IZUMO3: variants seen among roughly 807,000 people sequenced by gnomAD.
The protein encoded by IZUMO3 is izumo sperm-egg fusion protein 3.
A neutral mutation model predicts 28.4 loss-of-function variants in IZUMO3; 36 were observed. That is an observed-to-expected ratio of 1.27 (90% CI 0.97 to 1.67). The LOEUF is 1.67. IZUMO3 is among the 40% of genes most tolerant of loss of function. The probability of loss-of-function intolerance (pLI) is 0.00; values close to 1 mark genes in which losing one functional copy is unlikely to be tolerated. For missense variants in IZUMO3, 387 were observed against 278.5 expected (o/e 1.39, Z -2.77); for synonymous variants, 126 against 99.2 (o/e 1.27, Z -1.61).
At position 24,543,213 on chromosome 9, in the gene IZUMO3, G is replaced by C; in HGVS notation, c.*16C>G. The C allele has an allele frequency of 6.5e-7, 1 of 1,529,008 alleles. No homozygotes were observed. The highest frequency in any genetic ancestry group is 2.1e-5 in the Admixed American group (1 of 48,536). The allele number at this position is 1,529,008 out of a possible 1,614,324, so 94.7% of individuals were successfully genotyped here. ...TTAAGAGAATCATGAAAGACTTCTT[G>C]TCCATGTTGATGTGTTTATTTTCTG... On this transcript the variant is annotated 3_prime_UTR_variant, in exon 7 of 7. Transcript: ENST00000543880.
intron 6 of IZUMO3, 131 bp from the exon 7 acceptor site, chr9:24,543,498 G>GTTTTTTTTTTTTTTTTT: frequency 4.0e-6 from 1 of 251,940 alleles, no homozygotes; most frequent in Non-Finnish European, 5.2e-6. Flanking sequence ...ATTTCCTTTT[G>GTTTTTTTTTTTTTTTTT]TTCCAACTAT....
chr9:24,543,979 C>T (rs988779122), intron 5 of IZUMO3, among the ~76,000 whole-genome samples: 4 of 152,022 alleles, frequency 2.6e-5, no homozygotes, highest in African/African-American at 9.7e-5. Flanking sequence ...TTCTTCATTC[C>T]AAGCCTAGCC....
At chr9:24,543,425 C>CCAGTTATA in intron 6 of IZUMO3, 58 bp from the exon 7 acceptor site, 1 of 439,704 alleles carries the variant, frequency 2.3e-6, no homozygotes, top group Non-Finnish European at 3.6e-6. Flanking sequence ...ATTCTTTAAG[C>CCAGTTATA]CAGTTATACA....
chr9:24,544,819 A>T, intron 3 of IZUMO3, 59 bp from the exon 4 acceptor site: 2 of 1,491,774 alleles, frequency 1.3e-6, no homozygotes, highest in Non-Finnish European at 1.8e-6. Flanking sequence ...TGCCATATTT[A>T]TACCCAAGTA....
chr9:24,544,410 T>C, intron 4 of IZUMO3, 129 bp from the exon 5 acceptor site: 1 of 711,634 alleles, frequency 1.4e-6, no homozygotes, highest in Admixed American at 2.4e-5. Flanking sequence ...GCTGTGAATT[T>C]CTTCTTCTCC....
In IZUMO3 at chr9:24,545,299, A is replaced by G. The variant is rs1307899320; in HGVS notation, c.227-13T>C. 6.5e-7 allele frequency: 1 copy of G among 1,549,596 alleles called. No individual in the cohort carries two copies. Among genetic ancestry groups the G allele is most frequent in the Non-Finnish European group, 8.7e-7 (1 of 1,146,214 alleles). ...ACCTGCTGAACAGCTAGAGAGGGAG[A>G]GTAAAGGTACATGTAGGGGAATAAT... On this transcript the variant is annotated splice_polypyrimidine_tract_variant and intron_variant, in intron 1 of 6. Coordinates refer to ENST00000543880, the MANE Select transcript of IZUMO3 (RefSeq NM_001365008.2).
At chr9:24,544,893 C>T (rs937085378) in intron 3 of IZUMO3, 79 bp downstream of exon 3, 23 of 1,339,552 alleles carry the variant, frequency 1.7e-5, no homozygotes, top group Non-Finnish European at 2.3e-5. Context: ...CTATTATGAA[C>T]TTGCATTTCT....
In IZUMO3 at chr9:24,544,285, A is replaced by T. The variant is rs1294185382; in HGVS notation, c.410-4T>A. The T allele has an allele frequency of 1.3e-6, 2 of 1,545,356 alleles. No homozygotes were observed. The highest frequency in any genetic ancestry group is 1.8e-6 in the Non-Finnish European group (2 of 1,142,210). ...AGAATGGGACCTTCAACCACAACTGATAAAGAGGAGAAGAAAGATAATCAG... is the reference window on the plus strand; with the variant it reads ...AGAATGGGACCTTCAACCACAACTGTTAAAGAGGAGAAGAAAGATAATCAG... On this transcript the variant is annotated splice_polypyrimidine_tract_variant and splice_region_variant and intron_variant, in intron 4 of 6. Transcript: ENST00000543880.
At chr9:24,543,531 T>G in intron 6 of IZUMO3, 133 bp downstream of exon 6, 1 of 912,310 alleles carries the variant, frequency 1.1e-6, no homozygotes, top group Non-Finnish European at 1.6e-6. Flanking sequence ...CTTTGCATTT[T>G]ATTCCTTTCA....
intron 6 of IZUMO3, 121 bp from the exon 7 acceptor site, chr9:24,543,488 A>G (rs1291272651): frequency 6.4e-5 from 27 of 419,826 alleles, no homozygotes; most frequent in African/African-American, 2.6e-4. Flanking sequence ...ATACTTCTCC[A>G]TTTCCTTTTG....
chr9:24,543,795 G>A, intron 5 of IZUMO3, 41 bp from the exon 6 acceptor site: 1 of 1,275,772 alleles, frequency 7.8e-7, no homozygotes, highest in Middle Eastern at 1.8e-4. Flanking sequence ...GAGTTTTGGA[G>A]AAGAGAAATA....
At position 24,543,459 on chromosome 9, in the gene IZUMO3, T is replaced by TG. The variant is rs1563907619; in HGVS notation, c.582-93_582-92insC. 5.5e-6 allele frequency: 5 copies of TG among 915,956 alleles called. No individual in the cohort carries two copies. The African/African-American group carries it at 7.2e-5, about 13-fold the overall frequency. 56.7% of individuals were successfully genotyped at this position (915,956 alleles called of 1,614,324 possible). A position where few individuals can be genotyped will look rare whatever the true frequency, so the allele number is the denominator to read the frequency against. On this transcript the variant is annotated intron_variant, in intron 6 of 6. Coordinates refer to ENST00000543880, the MANE Select transcript of IZUMO3 (RefSeq NM_001365008.2). ...CATTGTTTTTTTTTTTTTTTTTTTT[T>TG]TTTTTTTTTTTTTGCTGGATACTTC... is the stretch of plus-strand genomic sequence containing the variant.
At chr9:24,545,345 T>G (rs1009010812) in intron 1 of IZUMO3, 59 bp from the exon 2 acceptor site, 1 of 1,547,364 alleles carries the variant, frequency 6.5e-7, no homozygotes, top group Non-Finnish European at 8.7e-7. Context: ...CAGGAAGTTA[T>G]GTAGACCCAG....
chr9:24,543,559 A>T, intron 6 of IZUMO3, 105 bp downstream of exon 6: 2 of 1,002,912 alleles, frequency 2.0e-6, no homozygotes, highest in East Asian at 2.7e-5. Context: ...AGAATTTAAA[A>T]TGACTTCTTT....
At chr9:24,543,435 ATTGTTTTTTTTTTTT>A (rs1819499776) in intron 6 of IZUMO3, 68 bp from the exon 7 acceptor site, 11 of 75,508 alleles carry the variant, frequency 1.5e-4, no homozygotes, top group South Asian at 8.5e-4. Flanking sequence ...CCAGTTATAC[ATTGTTTTTTTTTTTT>A]TTTTTTTTTT....
At chr9:24,544,787 G>C in intron 3 of IZUMO3, 27 bp from the exon 4 acceptor site, 2 of 1,548,918 alleles carry the variant, frequency 1.3e-6, no homozygotes, top group Non-Finnish European at 1.7e-6. Flanking sequence ...AAGTTCTAAT[G>C]AGTTTAAAAC....
In IZUMO3 at chr9:24,545,666, G is replaced by A. The variant is rs747594175; in HGVS notation, c.-17C>T. ...GTCACCCATTTCTTTCTTCACCCCC[G>A]CTCCCCGACAGCAGGTTGTCCTGGC... On this transcript the variant is annotated 5_prime_UTR_variant, in exon 1 of 7. Transcript: ENST00000543880. The A allele has an allele frequency of 2.3e-5, 35 of 1,534,426 alleles. 1 individual carries two copies. In the South Asian group the frequency reaches 2.5e-4, roughly 11 times the overall value.
intron 5 of IZUMO3, 53 bp from the exon 6 acceptor site, chr9:24,543,807 C>T (rs1819517981): frequency 8.6e-7 from 1 of 1,162,140 alleles, no homozygotes; most frequent in South Asian, 1.3e-5. Flanking sequence ...AGAGAAATAG[C>T]TTGTGACATT....
At chr9:24,544,631 C>T (rs1295094265) in intron 4 of IZUMO3, 112 bp downstream of exon 4, 1 of 919,692 alleles carries the variant, frequency 1.1e-6, no homozygotes, top group Non-Finnish European at 1.7e-6. Context: ...GTAACCACAG[C>T]TCTAGGAATT....
Sources: gnomAD v4.1 joint callset for allele counts (sites outside exome capture counted in the v4.1 genomes callset) on GRCh38, gnomAD v4.1.1 for gene constraint, MANE v1.5 for transcripts, NCBI Gene and HGNC (gene_info 2026-07-23, HGNC 2026-07-21) for gene names.